CNGB3: variants seen among roughly 807,000 people sequenced by gnomAD.
CNGB3 encodes the protein cyclic nucleotide gated channel subunit beta 3, also known as cyclic nucleotide-gated channel beta-3.
In CNGB3, 86 loss-of-function variants were observed where a neutral mutation model predicts 92.8. The ratio of observed to expected loss-of-function variants is 0.93; its 90% CI spans 0.78 to 1.11. The LOEUF is 1.11. CNGB3 is among the 50% of genes least tolerant of loss of function. The pLI is 0.00. For synonymous variants in CNGB3, 333 were observed against 332.7 expected, an observed-to-expected ratio of 1.00 and a Z score of -0.01; for missense variants, 1,026 against 956.8, an observed-to-expected ratio of 1.07 and a Z score of -0.95.
intron 2 of CNGB3, among the ~76,000 whole-genome samples, chr8:86,728,240 T>C (rs1825096673): frequency 6.6e-6 from 1 of 152,142 alleles, no homozygotes; most frequent in South Asian, 2.1e-4. Context: ...CCTTGAAGCC[T>C]GCGTATAAAG....
rs767781046 is a variant in CNGB3 at position 86,739,748 on chromosome 8, A to T, written c.130-12T>A. 1.4e-5 allele frequency: 22 copies of T among 1,612,892 alleles called. 1 individual carries two copies. In the South Asian group the frequency reaches 2.2e-4, roughly 16 times the overall value. On this transcript the variant is annotated splice_polypyrimidine_tract_variant and intron_variant, in intron 1 of 17. Transcript: ENST00000320005. The stretch of plus-strand genomic sequence containing the variant: ...CCTTTGTTTTCTTCCTTTGAGAAAA[A>T]ACATAGAGATTGTATGTGATGAATT...
At chr8:86,726,259 C>T (rs1294962779) in intron 3 of CNGB3, among the ~76,000 whole-genome samples, 1 of 152,104 alleles carries the variant, frequency 6.6e-6, no homozygotes, top group Admixed American at 6.6e-5. Flanking sequence ...GATACAATGA[C>T]TCATACATGT....
chr8:86,625,878 T>A, intron 13 of CNGB3, 105 bp downstream of exon 13: 2 of 911,214 alleles, frequency 2.2e-6, no homozygotes, highest in Non-Finnish European at 3.5e-6. Context: ...TTATTTTGAC[T>A]TTGTTAAAAC....
intron 6 of CNGB3, among the ~76,000 whole-genome samples, chr8:86,665,880 C>T (rs1823731962): frequency 6.6e-6 from 1 of 152,114 alleles, no homozygotes; most frequent in South Asian, 2.1e-4. Context: ...TGTGTATCTC[C>T]TGAATATAAA....
chr8:86,641,970 T>C (rs1823196770), intron 10 of CNGB3, among the ~76,000 whole-genome samples: 1 of 151,876 alleles, frequency 6.6e-6, no homozygotes, highest in Admixed American at 6.6e-5. Context: ...AAGTTTCTTA[T>C]GGGCTAAAGC....
At position 86,611,574 on chromosome 8, in the gene CNGB3, T is replaced by C. The variant is rs1455579923; in HGVS notation, c.1662+14A>G. ...ATTTATTAGTTGTGCATTTGAAAAATAGCATGCACTCACCTTTTTGCAGAC... is the reference window on the plus strand; with the variant it reads ...ATTTATTAGTTGTGCATTTGAAAAACAGCATGCACTCACCTTTTTGCAGAC... On this transcript the variant is annotated intron_variant, in intron 14 of 17. Transcript: ENST00000320005. The C allele has an allele frequency of 3.1e-6, 5 of 1,599,600 alleles. No individual in the cohort carries two copies. The highest frequency in any genetic ancestry group is 3.4e-6 in the Non-Finnish European group (4 of 1,166,936).
At chr8:86,684,158 A>G (rs60534904) in intron 3 of CNGB3, among the ~76,000 whole-genome samples, 14,429 of 152,206 alleles carry the variant, frequency 0.095, 725 homozygotes, top group East Asian at 0.13. Context: ...CAAAATACCA[A>G]AACAATCTAA....
At chr8:86,715,188 G>A (rs957257988) in intron 3 of CNGB3, among the ~76,000 whole-genome samples, 1 of 152,092 alleles carries the variant, frequency 6.6e-6, no homozygotes, top group African/African-American at 2.4e-5. Flanking sequence ...CTATAGTACT[G>A]CAGCTGATGC....
chr8:86,743,592 C>A lies in CNGB3; in HGVS notation c.36G>T (p.Lys12Asn), dbSNP rs1361699000. ...CATTCTCATTGTTCTCTCCTATAGG[C>A]TTCACCTTGTTGACTTTTGTCAGCG... ...FKSLTKVNKV[K>N]PIGENNENEQ... Residue 12 changes from lysine to asparagine, a missense_variant, in exon 1 of 18, where the codon AAG becomes AAT. Transcript: ENST00000320005. 2 of 1,614,006 alleles carry A rather than the reference C, an allele frequency of 1.2e-6. No individual in the cohort carries two copies. The highest frequency in any genetic ancestry group is 1.7e-6 in the Non-Finnish European group (2 of 1,179,900).
In CNGB3 at chr8:86,575,859, G is replaced by A. The variant is rs140932384; in HGVS notation, c.2375C>T (p.Ala792Val). The change falls in exon 18 of 18, where the codon GCT (alanine) becomes GTT (valine). Residue 792 changes from alanine to valine, a missense_variant. Transcript: ENST00000320005. The part of the protein sequence containing the change: ...QSLIISMAPS[A>V]EGGEEVLTIE... ...AGTAAGAACCTCTTCTCCGCCCTCA[G>A]CAGAAGGAGCCATGCTGATAATGAG... is the stretch of plus-strand genomic sequence containing the variant. 163 of 1,613,178 alleles carry A rather than the reference G, an allele frequency of 1.0e-4. No homozygotes were observed. The highest frequency in any genetic ancestry group is 1.4e-4 in the Non-Finnish European group (161 of 1,179,838).
At chr8:86,711,837 A>C (rs315969) in intron 3 of CNGB3, among the ~76,000 whole-genome samples, 15,745 of 92,302 alleles carry the variant, frequency 0.17, 856 homozygotes, top group East Asian at 0.27. Flanking sequence ...CTCTCTCTCT[A>C]TATATATATA....
chr8:86,655,759 T>C (rs1823493865), intron 6 of CNGB3, among the ~76,000 whole-genome samples: 1 of 152,232 alleles, frequency 6.6e-6, no homozygotes, highest in Admixed American at 6.5e-5. Context: ...CAGTAGGTGT[T>C]CAATAAATGT....
intron 3 of CNGB3, among the ~76,000 whole-genome samples, chr8:86,719,975 T>C (rs1477956242): frequency 6.6e-6 from 1 of 152,102 alleles, no homozygotes; most frequent in Non-Finnish European, 1.5e-5. Context: ...TCCTGGTCTC[T>C]CACCTTATAC....
intron 3 of CNGB3, among the ~76,000 whole-genome samples, chr8:86,675,526 C>T (rs150575161): frequency 2.2e-4 from 34 of 152,244 alleles, no homozygotes; most frequent in Middle Eastern, 3.4e-3. Context: ...AGCAATCTTC[C>T]CACCTCAGCC....
chr8:86,650,276 CT>C (rs1317111240), intron 7 of CNGB3, among the ~76,000 whole-genome samples: 2 of 151,420 alleles, frequency 1.3e-5, no homozygotes, highest in African/African-American at 4.8e-5. Context: ...CTCAACTCCC[CT>C]CTCAACTCCT....
chr8:86,732,510 A>G (rs561783760), intron 2 of CNGB3, among the ~76,000 whole-genome samples: 1 of 152,350 alleles, frequency 6.6e-6, no homozygotes, highest in East Asian at 1.9e-4. Flanking sequence ...ATATTCACTG[A>G]GGGAAAAGGA....
chr8:86,640,966 G>A (rs953871122), intron 10 of CNGB3, among the ~76,000 whole-genome samples: 3 of 151,954 alleles, frequency 2.0e-5, no homozygotes, highest in African/African-American at 7.2e-5. Flanking sequence ...AGCATCCTAA[G>A]TCACAGGATG....
intron 1 of CNGB3, among the ~76,000 whole-genome samples, chr8:86,741,986 G>C (rs949445835): frequency 6.6e-6 from 1 of 152,186 alleles, no homozygotes; most frequent in Non-Finnish European, 1.5e-5. Context: ...GATAGGACTT[G>C]GTTCCAATCC....
chr8:86,658,837 G>A (rs1823572209), intron 6 of CNGB3: 8 of 625,398 alleles, frequency 1.3e-5, no homozygotes, highest in Middle Eastern at 2.9e-4. Context: ...ATGGTGGTGA[G>A]GTCATTCTGC....
Sources: allele counts gnomAD v4.1 joint callset (sites outside exome capture counted in the v4.1 genomes callset), GRCh38; gene constraint gnomAD v4.1.1; transcripts MANE v1.5; gene names NCBI Gene and HGNC (gene_info 2026-07-23, HGNC 2026-07-21).